Variants in GRID1 observed in about 807,000 individuals in gnomAD.
GRID1 encodes glutamate ionotropic receptor delta type subunit 1.
GRID1 carries 28 observed loss-of-function variants against 98.0 expected under a neutral mutation model. The ratio of observed to expected loss-of-function variants is 0.29; its 90% CI spans 0.21 to 0.39. GRID1 has a LOEUF of 0.39. GRID1 is among the 10% of genes least tolerant of loss of function. The pLI, the probability that GRID1 is intolerant of heterozygous loss-of-function variation, is 1.00. For missense variants in GRID1, 1,111 were observed against 1,340.5 expected, an observed-to-expected ratio of 0.83 and a Z score of 2.67; for synonymous variants, 553 against 538.5, an observed-to-expected ratio of 1.03 and a Z score of -0.37.
chr10:85,818,192 T>A (rs759814997), intron 8 of GRID1, among the ~76,000 whole-genome samples: 2 of 152,156 alleles, frequency 1.3e-5, no homozygotes, highest in Non-Finnish European at 2.9e-5. Context: ...AACAAATAAG[T>A]AAAAAGAGAA....
At chr10:86,041,050 C>T (rs979723580) in intron 4 of GRID1, among the ~76,000 whole-genome samples, 1 of 152,156 alleles carries the variant, frequency 6.6e-6, no homozygotes, top group African/African-American at 2.4e-5. Context: ...TGATACTTGT[C>T]CTCTTTCCCA....
At chr10:86,328,726 G>C (rs1002939379) in intron 2 of GRID1, among the ~76,000 whole-genome samples, 3 of 152,168 alleles carry the variant, frequency 2.0e-5, no homozygotes, top group Non-Finnish European at 4.4e-5. Context: ...CAGGTCAAGA[G>C]TGAGCCTTGG....
At chr10:86,053,079 A>G (rs1843523669) in intron 4 of GRID1, among the ~76,000 whole-genome samples, 1 of 152,236 alleles carries the variant, frequency 6.6e-6, no homozygotes, top group African/African-American at 2.4e-5. Context: ...ATGCTGCAGC[A>G]TATTTAGTGA....
chr10:85,799,032 A>G (rs918277579), intron 8 of GRID1, among the ~76,000 whole-genome samples: 2 of 152,052 alleles, frequency 1.3e-5, no homozygotes, highest in Non-Finnish European at 2.9e-5. Context: ...TTTTTATAAG[A>G]GATAAGGGTC....
At chr10:85,722,144 T>A (rs1841710531) in intron 12 of GRID1, among the ~76,000 whole-genome samples, 1 of 152,142 alleles carries the variant, frequency 6.6e-6, no homozygotes, top group Non-Finnish European at 1.5e-5. Context: ...TTGAGACCCA[T>A]AGAGGCTGGT....
In GRID1 at chr10:85,727,938, T is replaced by C; in HGVS notation, c.1450A>G (p.Ile484Val). The C allele has an allele frequency of 1.2e-6, 2 of 1,613,944 alleles. No homozygotes were observed. The highest frequency in any genetic ancestry group is 1.7e-6 in the Non-Finnish European group (2 of 1,179,892). The change falls in exon 10 of 16, where the codon ATT becomes GTT. Residue 484 changes from isoleucine to valine, a missense_variant. By Grantham distance (29) the Ile-to-Val change is conservative. Around this residue, in one of 3 missense-constraint regions of GRID1, gnomAD observed 762 missense variants for 869.1 expected, o/e 0.88. Coordinates refer to ENST00000327946, the MANE Select transcript of GRID1 (RefSeq NM_017551.3). ...TACCTGCCATCAGGGGCTTGGTAAA[T>C]CTCATATTTAAAGCCCAGAGCCTTG... ...LAKALGFKYE[I>V]YQAPDGRYGH...
intron 4 of GRID1, among the ~76,000 whole-genome samples, chr10:85,987,396 A>G (rs1271355241): frequency 6.1e-5 from 5 of 81,348 alleles, no homozygotes; most frequent in Non-Finnish European, 9.5e-5. Context: ...CCTTCCCCCT[A>G]GCTATATCTT....
At chr10:85,909,813 T>C (rs1320755097) in intron 5 of GRID1, among the ~76,000 whole-genome samples, 1 of 152,198 alleles carries the variant, frequency 6.6e-6, no homozygotes, top group African/African-American at 2.4e-5. Context: ...GGGTGACAGA[T>C]ACGTTCACTA....
intron 4 of GRID1, among the ~76,000 whole-genome samples, chr10:86,082,947 T>C (rs956373452): frequency 1.3e-5 from 2 of 152,250 alleles, no homozygotes; most frequent in African/African-American, 4.8e-5. Context: ...GGTTTCTGTT[T>C]CTATTCCTGC....
At chr10:86,354,880 G>A (rs764350178) in intron 2 of GRID1, among the ~76,000 whole-genome samples, 1 of 152,156 alleles carries the variant, frequency 6.6e-6, no homozygotes, top group African/African-American at 2.4e-5. Context: ...GAGCCATGTC[G>A]TCAACACTAA....
At chr10:85,769,125 T>C (rs916770918) in intron 8 of GRID1, among the ~76,000 whole-genome samples, 9 of 152,146 alleles carry the variant, frequency 5.9e-5, no homozygotes, top group African/African-American at 2.2e-4. Context: ...TGAACTAATA[T>C]GAAAATAACT....
intron 5 of GRID1, among the ~76,000 whole-genome samples, chr10:85,877,985 G>A (rs531648875): frequency 6.6e-6 from 1 of 152,200 alleles, no homozygotes; most frequent in South Asian, 2.1e-4. Flanking sequence ...AGAAGCCTCA[G>A]GAGCCGATGC....
intron 13 of GRID1, among the ~76,000 whole-genome samples, chr10:85,631,189 C>T (rs1042134990): frequency 6.6e-6 from 1 of 152,182 alleles, no homozygotes; most frequent in South Asian, 2.1e-4. Context: ...CAAAAAGAAC[C>T]AAGGCCACAG....
intron 8 of GRID1, among the ~76,000 whole-genome samples, chr10:85,751,340 C>A (rs1292631383): frequency 1.3e-5 from 2 of 152,110 alleles, no homozygotes; most frequent in African/African-American, 2.4e-5. Flanking sequence ...GCCTTGGGAC[C>A]AGATTTCAAG....
intron 3 of GRID1, among the ~76,000 whole-genome samples, chr10:86,202,079 A>T (rs187356506): frequency 5.3e-5 from 8 of 152,358 alleles, no homozygotes; most frequent in Admixed American, 4.6e-4. Context: ...GGCCACTCAA[A>T]CAGAGCCCTG....
intron 8 of GRID1, among the ~76,000 whole-genome samples, chr10:85,774,410 C>T (rs1274725997): frequency 1.3e-5 from 2 of 152,172 alleles, no homozygotes; most frequent in African/African-American, 4.8e-5. Flanking sequence ...AGGACATAGG[C>T]ATGGGCAAGA....
chr10:85,764,232 C>A, intron 8 of GRID1, among the ~76,000 whole-genome samples: 1 of 152,118 alleles, frequency 6.6e-6, no homozygotes, highest in East Asian at 1.9e-4. Context: ...TCATTCTAGG[C>A]TGCCAAGCAC....
chr10:86,159,567 A>G (rs1364779216), intron 3 of GRID1, among the ~76,000 whole-genome samples: 1 of 152,330 alleles, frequency 6.6e-6, no homozygotes, highest in East Asian at 1.9e-4. Flanking sequence ...CACAGTAAAG[A>G]CAACAATGAG....
At chr10:86,108,839 CA>C (rs1352449957) in intron 4 of GRID1, among the ~76,000 whole-genome samples, 1 of 152,186 alleles carries the variant, frequency 6.6e-6, no homozygotes, top group Non-Finnish European at 1.5e-5. Context: ...GTGAGTCTGG[CA>C]GTTGTGTTTC....
Sources: gnomAD v4.1 joint callset for allele counts (sites outside exome capture counted in the v4.1 genomes callset) on GRCh38, gnomAD v4.1.1 for gene constraint, gnomAD v4.1.1 regional missense constraint, MANE v1.5 for transcripts, NCBI Gene and HGNC (gene_info 2026-07-23, HGNC 2026-07-21) for gene names.